The following LSAMP variants were observed in gnomAD, a reference collection of about 807,000 sequenced individuals.
The protein encoded by LSAMP is limbic system associated membrane protein.
Under a neutral mutation model 38.6 loss-of-function variants are expected in LSAMP, and 7 were observed. The ratio of observed to expected loss-of-function variants is 0.18; its 90% confidence interval spans 0.10 to 0.34. The LOEUF is 0.34. LSAMP is among the 10% of genes least tolerant of loss of function. LSAMP has a pLI of 1.00. For missense variants in LSAMP, 313 were observed against 420.0 expected (o/e 0.75, Z 2.23); for synonymous variants, 154 against 166.8 (o/e 0.92, Z 0.59).
At chr3:116,236,000 T>C (rs1268467249) in intron 1 of LSAMP, among the ~76,000 whole-genome samples, 5 of 152,170 alleles carry the variant, frequency 3.3e-5, no homozygotes, top group East Asian at 1.9e-4. Context: ...ATAAATTTAT[T>C]TGGTGCCTTT....
At chr3:116,006,986 A>T (rs1940178125) in intron 3 of LSAMP, among the ~76,000 whole-genome samples, 1 of 152,240 alleles carries the variant, frequency 6.6e-6, no homozygotes, top group South Asian at 2.1e-4. Flanking sequence ...CAGGCCAAAA[A>T]AATTAAAGAA....
At chr3:116,383,428 G>A (rs551322113) in intron 1 of LSAMP, among the ~76,000 whole-genome samples, 10 of 152,124 alleles carry the variant, frequency 6.6e-5, no homozygotes, top group South Asian at 2.1e-4. Flanking sequence ...ACATAAAAGG[G>A]AAATGTAGAA....
At chr3:115,938,931 G>A (rs571433285) in intron 3 of LSAMP, among the ~76,000 whole-genome samples, 12 of 152,314 alleles carry the variant, frequency 7.9e-5, no homozygotes, top group African/African-American at 2.4e-4. Flanking sequence ...CAGAGAGCAG[G>A]TAGTTGGGAA....
intron 1 of LSAMP, among the ~76,000 whole-genome samples, chr3:116,300,316 T>C (rs1479705603): frequency 6.6e-6 from 1 of 152,206 alleles, no homozygotes; most frequent in Non-Finnish European, 1.5e-5. Flanking sequence ...TTGGCTACAG[T>C]TCCCAAGGGT....
At chr3:116,394,310 T>C (rs2107816936) in intron 1 of LSAMP, among the ~76,000 whole-genome samples, 1 of 152,326 alleles carries the variant, frequency 6.6e-6, no homozygotes, top group African/African-American at 2.4e-5. Flanking sequence ...TGGTTTTTGA[T>C]ATAGATATGT....
At chr3:116,422,371 T>C (rs574732909) in intron 1 of LSAMP, among the ~76,000 whole-genome samples, 1 of 152,352 alleles carries the variant, frequency 6.6e-6, no homozygotes, top group East Asian at 1.9e-4. Flanking sequence ...AACAATTATT[T>C]ACATAACATT....
In LSAMP at chr3:116,445,051, G is replaced by A. The variant is rs750970264; in HGVS notation, c.-20C>T. ...GACCATGGTGGCCACGCCGAGGTGCGGGTCCGCGGGGTGCTCTGGAGGGGT... is the reference window on the plus strand; with the variant it reads ...GACCATGGTGGCCACGCCGAGGTGCAGGTCCGCGGGGTGCTCTGGAGGGGT... On this transcript the variant is annotated 5_prime_UTR_variant, in exon 1 of 7. Transcript: ENST00000490035. The A allele has an allele frequency of 1.9e-6, 3 of 1,601,488 alleles. No homozygotes were observed. The highest frequency in any genetic ancestry group is 1.1e-5 in the South Asian group (1 of 89,118).
chr3:116,007,401 G>T (rs1576302340), intron 3 of LSAMP, among the ~76,000 whole-genome samples: 1 of 152,274 alleles, frequency 6.6e-6, no homozygotes, highest in Admixed American at 6.5e-5. Context: ...ACCTATTGAG[G>T]TTCCTCTTTT....
In LSAMP at chr3:116,200,363, T is replaced by C. The variant is rs1420366332; in HGVS notation, c.156-113807A>G. 2.0e-5 allele frequency among the ~76,000 whole-genome samples: 3 copies of C among 152,198 alleles called. No individual in the cohort carries two copies. In the East Asian group the frequency reaches 5.8e-4, roughly 29 times the overall value. On this transcript the variant is annotated intron_variant, in intron 1 of 6. Coordinates refer to ENST00000490035, the MANE Select transcript of LSAMP (RefSeq NM_002338.5). ...ATGGTATCATCTGGATATTGTTCCC[T>C]AAGTATAGAAATGTGGAATGTGCCA...
At chr3:116,150,481 G>A (rs2107526275) in intron 1 of LSAMP, among the ~76,000 whole-genome samples, 1 of 152,126 alleles carries the variant, frequency 6.6e-6, no homozygotes, top group Admixed American at 6.6e-5. Context: ...ATAAATGTCT[G>A]CTTCAGGTGA....
intron 1 of LSAMP, among the ~76,000 whole-genome samples, chr3:116,207,182 C>A (rs1264426785): frequency 1.3e-5 from 2 of 151,168 alleles, no homozygotes; most frequent in East Asian, 3.9e-4. Context: ...CTCTTTTGAT[C>A]TTTGTTGGTT....
At chr3:116,290,395 C>G (rs560710896) in intron 1 of LSAMP, among the ~76,000 whole-genome samples, 1 of 151,952 alleles carries the variant, frequency 6.6e-6, no homozygotes, top group African/African-American at 2.4e-5. Context: ...TTGAAGAATT[C>G]CCCCCCATCT....
At chr3:115,935,056 A>C (rs550157831) in intron 3 of LSAMP, among the ~76,000 whole-genome samples, 1 of 152,204 alleles carries the variant, frequency 6.6e-6, no homozygotes, top group Admixed American at 6.5e-5. Context: ...AAACAAAAAC[A>C]AAAAACAAAA....
At chr3:115,940,077 T>G (rs1401001414) in intron 3 of LSAMP, among the ~76,000 whole-genome samples, 2 of 152,062 alleles carry the variant, frequency 1.3e-5, no homozygotes, top group Admixed American at 1.3e-4. Context: ...TGGTGGCGCA[T>G]CTGGAGTTGT....
At chr3:116,277,184 G>C (rs906324519) in intron 1 of LSAMP, among the ~76,000 whole-genome samples, 5 of 152,208 alleles carry the variant, frequency 3.3e-5, no homozygotes, top group Admixed American at 2.6e-4. Context: ...TAAGGCTCCA[G>C]TAGGGAGTTT....
rs1559855447 is a variant in LSAMP at position 115,861,144 on chromosome 3, TC to T, written c.515-8528del. On this transcript the variant is annotated intron_variant, in intron 3 of 6. Coordinates refer to ENST00000490035, the MANE Select transcript of LSAMP (RefSeq NM_002338.5). ...TTCCTTCTTTCTTTCCTTCCTTCCTTCCTTCCTTCCTTCCTTCCTTCCTTCC... is the reference window on the plus strand; with the variant it reads ...TTCCTTCTTTCTTTCCTTCCTTCCTTCTTCCTTCCTTCCTTCCTTCCTTCC... 9.4e-5 allele frequency among the ~76,000 whole-genome samples: 3 copies of T among 31,882 alleles called. 1 individual carries two copies. Among genetic ancestry groups the T allele is most frequent in the African/African-American group, 3.3e-4 (2 of 6,064 alleles). 20.9% of individuals were successfully genotyped at this position (31,882 alleles called of 152,430 possible).
At position 116,109,658 on chromosome 3, in the gene LSAMP, C is replaced by A. The variant is rs147439852; in HGVS notation, c.156-23102G>T. On this transcript the variant is annotated intron_variant, in intron 1 of 6. Transcript: ENST00000490035. ...CTGTCTAGTTTGTATTGGGGTCAAGCAGCATTGCAGAAGAAAATAAGGCAT... is the reference window on the plus strand; with the variant it reads ...CTGTCTAGTTTGTATTGGGGTCAAGAAGCATTGCAGAAGAAAATAAGGCAT... 3.9e-3 allele frequency among the ~76,000 whole-genome samples: 599 copies of A among 152,150 alleles called. 4 individuals carry two copies. The highest frequency in any genetic ancestry group is 0.014 in the African/African-American group (573 of 41,496).
intron 1 of LSAMP, among the ~76,000 whole-genome samples, chr3:116,227,520 A>G (rs1202339827): frequency 6.6e-6 from 1 of 152,232 alleles, no homozygotes; most frequent in East Asian, 1.9e-4. Context: ...TCCAAAGTCC[A>G]GCTTTAATCT....
chr3:116,072,383 A>G (rs1309009262), intron 2 of LSAMP, among the ~76,000 whole-genome samples: 2 of 152,142 alleles, frequency 1.3e-5, no homozygotes, highest in African/African-American at 4.8e-5. Flanking sequence ...GTATCTTTAT[A>G]ATAGAATGAT....
Sources: gnomAD v4.1 joint callset for allele counts (sites outside exome capture counted in the v4.1 genomes callset) on GRCh38, gnomAD v4.1.1 for gene constraint, MANE v1.5 for transcripts, NCBI Gene and HGNC (gene_info 2026-07-23, HGNC 2026-07-21) for gene names.